The following MPPED2 variants were observed in gnomAD, a reference collection of about 807,000 sequenced individuals.
MPPED2 encodes the protein metallophosphoesterase MPPED2.
In MPPED2, 5 loss-of-function variants were observed where a neutral mutation model predicts 33.0. That is an observed-to-expected ratio of 0.15 (90% CI 0.08 to 0.32). The LOEUF (loss-of-function observed/expected upper bound fraction) is 0.32. MPPED2 is among the 10% of genes least tolerant of loss of function. The pLI, the probability that MPPED2 is intolerant of heterozygous loss-of-function variation, is 1.00. For synonymous variants in MPPED2, 136 were observed against 141.9 expected (o/e 0.96, Z 0.29); for missense variants, 275 against 372.1 (o/e 0.74, Z 2.15).
At chr11:30,452,359 G>A (rs1950099384) in intron 4 of MPPED2, among the ~76,000 whole-genome samples, 1 of 152,192 alleles carries the variant, frequency 6.6e-6, no homozygotes, top group African/African-American at 2.4e-5. Context: ...GATCGTGTCT[G>A]TGGGCCCTGC....
chr11:30,506,869 C>T (rs554510161), intron 3 of MPPED2, among the ~76,000 whole-genome samples: 1 of 152,122 alleles, frequency 6.6e-6, no homozygotes, highest in Non-Finnish European at 1.5e-5. Context: ...AGGAATTCTG[C>T]GGGGCAGGGC....
At chr11:30,573,139 G>T (rs537923283) in intron 2 of MPPED2, among the ~76,000 whole-genome samples, 11 of 152,236 alleles carry the variant, frequency 7.2e-5, no homozygotes, top group African/African-American at 2.6e-4. Context: ...TGACATTTTG[G>T]TCAATGACAG....
At chr11:30,456,897 A>C (rs1005817581) in intron 4 of MPPED2, among the ~76,000 whole-genome samples, 4 of 152,198 alleles carry the variant, frequency 2.6e-5, no homozygotes, top group Non-Finnish European at 1.5e-5. Context: ...AGCTAGCAAT[A>C]AGAACAAAAA....
At chr11:30,501,976 A>G (rs537733195) in intron 3 of MPPED2, among the ~76,000 whole-genome samples, 2 of 152,302 alleles carry the variant, frequency 1.3e-5, no homozygotes, top group East Asian at 3.9e-4. Context: ...GCAGAGGGGA[A>G]CGACCTTCTC....
At chr11:30,503,692 C>T (rs1952674562) in intron 3 of MPPED2, among the ~76,000 whole-genome samples, 1 of 152,182 alleles carries the variant, frequency 6.6e-6, no homozygotes, top group Non-Finnish European at 1.5e-5. Context: ...ATAAAGCTGA[C>T]ATATTTTAAG....
chr11:30,496,569 G>A (rs1952263089), intron 3 of MPPED2, among the ~76,000 whole-genome samples: 1 of 152,170 alleles, frequency 6.6e-6, no homozygotes, highest in African/African-American at 2.4e-5. Flanking sequence ...TGAAATTAAT[G>A]TTTCCTGCTA....
At chr11:30,557,644 C>G (rs982848932) in intron 2 of MPPED2, among the ~76,000 whole-genome samples, 7 of 152,214 alleles carry the variant, frequency 4.6e-5, no homozygotes, top group African/African-American at 1.7e-4. Flanking sequence ...AACCAGCTAC[C>G]TTGGTGCTGT....
intron 1 of MPPED2, among the ~76,000 whole-genome samples, chr11:30,582,640 T>C (rs1041533891): frequency 6.6e-6 from 1 of 152,200 alleles, no homozygotes; most frequent in Non-Finnish European, 1.5e-5. Flanking sequence ...TAATGACTTG[T>C]AGCAGTTAGC....
At chr11:30,557,603 C>T (rs1318736173) in intron 2 of MPPED2, among the ~76,000 whole-genome samples, 1 of 152,162 alleles carries the variant, frequency 6.6e-6, no homozygotes, top group Non-Finnish European at 1.5e-5. Context: ...GGAAAGGCTA[C>T]TGGCTAAATA....
At chr11:30,572,838 C>T (rs1239794749) in intron 2 of MPPED2, among the ~76,000 whole-genome samples, 2 of 152,098 alleles carry the variant, frequency 1.3e-5, no homozygotes, top group Non-Finnish European at 1.5e-5. Context: ...AAGAATATGA[C>T]TAATGATGTG....
intron 2 of MPPED2, among the ~76,000 whole-genome samples, chr11:30,575,850 C>A (rs180918667): frequency 4.8e-4 from 73 of 152,260 alleles, no homozygotes; most frequent in African/African-American, 1.7e-3. Flanking sequence ...TTGAAAGGCA[C>A]TAAACCGGGA....
chr11:30,567,363 G>A (rs1421349710), intron 2 of MPPED2, among the ~76,000 whole-genome samples: 1 of 152,134 alleles, frequency 6.6e-6, no homozygotes, highest in Non-Finnish European at 1.5e-5. Flanking sequence ...CAATTGCACG[G>A]TTTAGGGCAA....
intron 3 of MPPED2, among the ~76,000 whole-genome samples, chr11:30,514,165 G>A (rs1953386932): frequency 6.6e-6 from 1 of 152,172 alleles, no homozygotes; most frequent in Non-Finnish European, 1.5e-5. Flanking sequence ...CATAGACCCA[G>A]GTGAGGGTAT....
chr11:30,586,646 G>A (rs928252433), upstream of MPPED2: 2 of 152,270 alleles, frequency 1.3e-5, no homozygotes, highest in African/African-American at 4.8e-5. This position sits in a 1 kb window ranked among gnomAD's most constrained non-coding sequence, Gnocchi z 4.8. Context: ...ATAGGGGAAG[G>A]AAGGCGGGCT....
At chr11:30,453,994 A>C (rs974731406) in intron 4 of MPPED2, among the ~76,000 whole-genome samples, 1 of 152,182 alleles carries the variant, frequency 6.6e-6, no homozygotes. Context: ...TCTTTCCCAA[A>C]GAAGTCATCT....
chr11:30,478,413 C>T (rs891078997), intron 4 of MPPED2, among the ~76,000 whole-genome samples: 1 of 151,482 alleles, frequency 6.6e-6, no homozygotes, highest in Admixed American at 6.6e-5. Context: ...AAAAAGAAGG[C>T]AGGAGATAAG....
At chr11:30,454,595 C>A (rs764191040) in intron 4 of MPPED2, among the ~76,000 whole-genome samples, 8 of 151,716 alleles carry the variant, frequency 5.3e-5, no homozygotes, top group South Asian at 4.2e-4. Flanking sequence ...TAATTTGATC[C>A]CTGAAACATA....
intron 4 of MPPED2, among the ~76,000 whole-genome samples, chr11:30,466,128 A>C (rs1950697718): frequency 6.6e-6 from 1 of 152,272 alleles, no homozygotes; most frequent in African/African-American, 2.4e-5. Context: ...CTGCAAAAGA[A>C]GAATAGATCT....
intron 3 of MPPED2, chr11:30,504,800 G>A (rs1952744662): frequency 1.6e-6 from 2 of 1,288,798 alleles, no homozygotes; most frequent in Middle Eastern, 2.1e-4. Context: ...TCATGCATTA[G>A]GGTTTCTTCC....
Sources: gnomAD v4.1 joint callset for allele counts (sites outside exome capture counted in the v4.1 genomes callset) on GRCh38, gnomAD v4.1.1 for gene constraint, Gnocchi (gnomAD v3.1) non-coding constraint, MANE v1.5 for transcripts, NCBI Gene and HGNC (gene_info 2026-07-23, HGNC 2026-07-21) for gene names.